SRFBP1: variants seen among roughly 807,000 people sequenced by gnomAD.
SRFBP1 encodes the protein serum response factor binding protein 1.
In SRFBP1, 47 loss-of-function variants were observed where a neutral mutation model predicts 45.5. The ratio of observed to expected loss-of-function variants is 1.03; its 90% CI spans 0.82 to 1.32. The LOEUF (loss-of-function observed/expected upper bound fraction) is 1.32, where lower values mean the gene tolerates loss of function less well. Ranked by LOEUF, SRFBP1 falls within the 40% of genes most tolerant of loss-of-function variation. SRFBP1 has a pLI of 0.00. For synonymous variants in SRFBP1, 203 were observed against 166.3 expected (o/e 1.22, Z -1.70); for missense variants, 621 against 484.6 (o/e 1.28, Z -2.64).
In SRFBP1 at chr5:122,046,975, A is replaced by T. The variant is rs183276557; in HGVS notation, n.311+24568A>T. 8.3e-3 allele frequency among the ~76,000 whole-genome samples: 1,257 copies of T among 152,076 alleles called. 7 individuals carry two copies. Among genetic ancestry groups the T allele is most frequent in the South Asian group, 0.014 (66 of 4,824 alleles). On this transcript the variant is annotated intron_variant and non_coding_transcript_variant, in intron 2 of 2. Coordinates refer to the SRFBP1 transcript ENST00000504881. ...TTTGTCAGATGAGTAGGTTGCAGAC[A>T]TTTTCTCCCATTCTGTAGGTTGCCT...
intron 2 of SRFBP1, among the ~76,000 whole-genome samples, chr5:122,048,582 C>T (rs1044835624): frequency 8.5e-5 from 13 of 152,144 alleles, no homozygotes; most frequent in Non-Finnish European, 1.2e-4. Context: ...GGAGGATTCC[C>T]TCTTTTTCTA....
chr5:122,052,443 A>G (rs569647813), intron 2 of SRFBP1, among the ~76,000 whole-genome samples: 1 of 151,908 alleles, frequency 6.6e-6, no homozygotes, highest in Non-Finnish European at 1.5e-5. Context: ...TTTGCTTTTT[A>G]CTTTTTTATT....
chr5:122,007,545 T>C (rs1220781451), intron 4 of SRFBP1, among the ~76,000 whole-genome samples: 2 of 151,780 alleles, frequency 1.3e-5, no homozygotes, highest in Non-Finnish European at 2.9e-5. Flanking sequence ...GCCTAGAAGC[T>C]GGTGTGCAAG....
At chr5:121,964,407 T>C (rs879811333) in intron 1 of SRFBP1, among the ~76,000 whole-genome samples, 10 of 152,152 alleles carry the variant, frequency 6.6e-5, no homozygotes, top group Non-Finnish European at 1.0e-4. Flanking sequence ...TGTGTTCTCA[T>C]TGTTCAACTC....
chr5:122,060,731 T>TA (rs1754156842), intron 2 of SRFBP1, among the ~76,000 whole-genome samples: 1 of 151,802 alleles, frequency 6.6e-6, no homozygotes, highest in South Asian at 2.1e-4. Flanking sequence ...ACCAAGAAAA[T>TA]AAAGTTGATT....
In SRFBP1 at chr5:121,994,644, A is replaced by G. The variant is rs1250463353; in HGVS notation, c.244A>G (p.Ile82Val). The change falls in exon 4 of 8, where the codon ATC (isoleucine) becomes GTC (valine). Residue 82 changes from isoleucine (I) to valine (V), a missense_variant. Coordinates refer to ENST00000339397, the MANE Select transcript of SRFBP1 (RefSeq NM_152546.3). ...IVTKSALGDD[I>V]NFEKIFKKPD... ...AACTAAATCTGCTCTTGGTGATGAT[A>G]TCAACTTTGAAAAAATCTTCAAAAA... The G allele has an allele frequency of 6.3e-7, 1 of 1,596,424 alleles. No homozygotes were observed. Among genetic ancestry groups the G allele is most frequent in the Non-Finnish European group, 8.5e-7 (1 of 1,172,906 alleles).
intron 3 of SRFBP1, among the ~76,000 whole-genome samples, chr5:121,981,172 G>C (rs996383236): frequency 1.3e-5 from 2 of 151,912 alleles, no homozygotes; most frequent in Admixed American, 1.3e-4. Flanking sequence ...GATTAATCAT[G>C]TTATCTTATT....
At chr5:122,014,202 ATATT>A (rs1017646559) in intron 4 of SRFBP1, among the ~76,000 whole-genome samples, 3 of 152,174 alleles carry the variant, frequency 2.0e-5, no homozygotes, top group African/African-American at 7.2e-5. Flanking sequence ...TTTTATAACA[ATATT>A]TATATATTTA....
intron 2 of SRFBP1, among the ~76,000 whole-genome samples, chr5:122,049,363 C>G (rs1252514226): frequency 6.6e-6 from 1 of 152,082 alleles, no homozygotes. Flanking sequence ...CAGGAGTACC[C>G]AGATTCATAA....
intron 2 of SRFBP1, chr5:122,070,635 G>A (rs1754423218): frequency 1.0e-6 from 1 of 985,504 alleles, no homozygotes; most frequent in Non-Finnish European, 1.6e-6. Flanking sequence ...TATGTGGTCA[G>A]ACTATGATAA....
intron 2 of SRFBP1, among the ~76,000 whole-genome samples, chr5:122,059,693 T>C (rs1754141454): frequency 6.6e-6 from 1 of 152,132 alleles, no homozygotes; most frequent in Non-Finnish European, 1.5e-5. Context: ...TGCTGCACTG[T>C]TCTCTGAAGT....
At chr5:122,022,487 G>T in intron 7 of SRFBP1, 80 bp downstream of exon 7, 1 of 1,192,586 alleles carries the variant, frequency 8.4e-7, no homozygotes, top group Admixed American at 2.2e-5. Context: ...AATTGTTGTT[G>T]CTTAATATAG....
At chr5:121,989,018 A>G (rs1388218151) in intron 3 of SRFBP1, among the ~76,000 whole-genome samples, 7 of 152,074 alleles carry the variant, frequency 4.6e-5, no homozygotes, top group Admixed American at 4.6e-4. Flanking sequence ...TCTAAATTCA[A>G]GAGAACTACA....
In SRFBP1 at chr5:122,009,573, G is replaced by C. The variant is rs752823173; in HGVS notation, c.271-9687G>C. On this transcript the variant is annotated intron_variant, in intron 4 of 7. Transcript: ENST00000339397. ...CTCACAGGAAGTATTCCATTCTTCA[G>C]ATGAGTAGAAGGATAGATTCATGCA... 3.9e-5 allele frequency among the ~76,000 whole-genome samples: 6 copies of C among 152,212 alleles called. No individual in the cohort carries two copies. In the South Asian group the frequency reaches 1.2e-3, roughly 31 times the overall value.
intron 2 of SRFBP1, among the ~76,000 whole-genome samples, chr5:122,035,229 A>G (rs1753674168): frequency 6.6e-6 from 1 of 152,048 alleles, no homozygotes; most frequent in Non-Finnish European, 1.5e-5. Context: ...CTACAGCAGC[A>G]GCCCCTCCTC....
intron 2 of SRFBP1, among the ~76,000 whole-genome samples, chr5:122,072,314 A>AAT (rs916917518): frequency 2.0e-5 from 3 of 152,248 alleles, no homozygotes; most frequent in African/African-American, 7.2e-5. Flanking sequence ...TACTAAGGCA[A>AAT]ATAGGCATTT....
intron 4 of SRFBP1, among the ~76,000 whole-genome samples, chr5:122,007,703 C>T (rs1245079519): frequency 1.3e-5 from 2 of 150,630 alleles, no homozygotes; most frequent in African/African-American, 5.0e-5. Context: ...GACCTGGACC[C>T]TGGGTCTGCT....
rs777100891 is a variant in SRFBP1 at position 122,020,379 on chromosome 5, C to T, written c.644C>T (p.Ser215Phe). 3 of 1,614,094 alleles carry T rather than the reference C, an allele frequency of 1.9e-6. No individual in the cohort carries two copies. The East Asian group carries it at 6.7e-5, about 36-fold the overall frequency. ...SKPSEKDSVV[S>F]LESQKTPADP... ...CCTTCAGAAAAGGATTCTGTAGTTT[C>T]CCTTGAGTCCCAGAAGACACCTGCT... Residue 215 changes from serine (S) to phenylalanine (F), a missense_variant, in exon 6 of 8, where the codon TCC becomes TTC. Physicochemically the swap from Ser to Phe is radical, Grantham distance 155 (BLOSUM62 -2). Coordinates refer to ENST00000339397, the MANE Select transcript of SRFBP1 (RefSeq NM_152546.3).
chr5:122,026,739 G>T (rs1300609806), intron 7 of SRFBP1, among the ~76,000 whole-genome samples: 1 of 152,056 alleles, frequency 6.6e-6, no homozygotes, highest in Non-Finnish European at 1.5e-5. Flanking sequence ...GTGTTAGAAA[G>T]CATGTGTGTC....
Sources: allele counts gnomAD v4.1 joint callset (sites outside exome capture counted in the v4.1 genomes callset), GRCh38; gene constraint gnomAD v4.1.1; transcripts MANE v1.5; gene names NCBI Gene and HGNC (gene_info 2026-07-23, HGNC 2026-07-21).